Variants in KSR1 observed in about 807,000 individuals in gnomAD.
The protein encoded by KSR1 is kinase suppressor of ras.
In KSR1, 35 loss-of-function variants were observed where a neutral mutation model predicts 92.9. The observed-to-expected ratio is 0.38, with a 90% CI of 0.29 to 0.50. KSR1 has a LOEUF of 0.50. KSR1 is among the 20% of genes least tolerant of loss of function. The pLI is 0.94. For missense variants in KSR1, 972 were observed against 1,158.5 expected (o/e 0.84, Z 2.34); for synonymous variants, 467 against 472.6 (o/e 0.99, Z 0.15).
chr17:27,611,550 A>C lies in KSR1; in HGVS notation c.2414A>C (p.Glu805Ala), dbSNP rs2073917695. 1.9e-6 allele frequency: 3 copies of C among 1,613,816 alleles called. No individual in the cohort carries two copies. In the African/African-American group the frequency reaches 4.0e-5, roughly 22 times the overall value. Residue 805 changes from glutamate to alanine, a missense_variant, in exon 18 of 21, where the codon GAG becomes GCG. Physicochemically the swap from Glu to Ala is moderately radical, Grantham distance 107 (BLOSUM62 -1). Around this residue, in one of 5 missense-constraint regions of KSR1, gnomAD observed 260 missense variants for 375.2 expected, o/e 0.69. Transcript: ENST00000644974. ...TGGCCCTTGAAGAACCAGGCTGCAG[A>C]GGCATCCATCTGGCAGATTGGAAGC... is the stretch of plus-strand genomic sequence containing the variant. The part of the protein sequence containing the change: ...RDWPLKNQAA[E>A]ASIWQIGSGE...
At chr17:27,603,812 G>T (rs779876624) in intron 11 of KSR1, 22 bp from the exon 12 acceptor site, 52 of 1,613,622 alleles carry the variant, frequency 3.2e-5, no homozygotes, top group Non-Finnish European at 4.2e-5. Context: ...CATGCTTTGT[G>T]TTTGGTTTTT....
At chr17:27,597,550 T>C in intron 10 of KSR1, 114 bp downstream of exon 10, 1 of 1,138,230 alleles carries the variant, frequency 8.8e-7, no homozygotes. Flanking sequence ...AGAGCTGATG[T>C]TTATGAAGTA....
chr17:27,495,249 C>T (rs895701476), intron 1 of KSR1, among the ~76,000 whole-genome samples: 6 of 152,212 alleles, frequency 3.9e-5, no homozygotes, highest in East Asian at 1.9e-4. Flanking sequence ...TCTCCTCCTC[C>T]CCTGAGCCCT....
intron 1 of KSR1, among the ~76,000 whole-genome samples, chr17:27,507,482 T>C (rs976815742): frequency 6.6e-6 from 1 of 151,778 alleles, no homozygotes; most frequent in South Asian, 2.1e-4. Flanking sequence ...TTTTTGTATG[T>C]TTTGTGTGAT....
intron 11 of KSR1, among the ~76,000 whole-genome samples, chr17:27,602,157 A>G (rs954760566): frequency 6.6e-6 from 1 of 152,062 alleles, no homozygotes; most frequent in Non-Finnish European, 1.5e-5. Context: ...AAGTCACAGT[A>G]TTTTGGTTAC....
intron 2 of KSR1, chr17:27,557,987 C>T (rs1162399309): frequency 6.6e-6 from 1 of 152,634 alleles, no homozygotes; most frequent in Non-Finnish European, 1.5e-5. Context: ...TCAGGCTTTT[C>T]TTCCATGGAT....
intron 1 of KSR1, among the ~76,000 whole-genome samples, chr17:27,533,388 C>T (rs983338011): frequency 1.4e-5 from 2 of 144,896 alleles, no homozygotes; most frequent in Non-Finnish European, 3.0e-5. Flanking sequence ...TGCAACCATT[C>T]TTTTTTTTTT....
intron 1 of KSR1, among the ~76,000 whole-genome samples, chr17:27,536,437 C>T (rs2070754337): frequency 6.6e-6 from 1 of 152,192 alleles, no homozygotes; most frequent in South Asian, 2.1e-4. Context: ...AACTAAATTA[C>T]CTTTTGTTCT....
intron 3 of KSR1, among the ~76,000 whole-genome samples, chr17:27,580,788 GTTAT>G (rs756254839): frequency 4.6e-5 from 7 of 152,062 alleles, no homozygotes; most frequent in East Asian, 1.9e-4. Flanking sequence ...AACTGGATTG[GTTAT>G]TTATTTATTT....
intron 5 of KSR1, among the ~76,000 whole-genome samples, chr17:27,586,809 T>G (rs1018841551): frequency 6.6e-6 from 1 of 152,226 alleles, no homozygotes; most frequent in African/African-American, 2.4e-5. Flanking sequence ...GCTAATTGAT[T>G]GAAGTTCCAA....
In KSR1 at chr17:27,607,904, C is replaced by T. The variant is rs944297676; in HGVS notation, c.1995-10C>T. ...CCAGACTTGTGCTTGACCCCCACCACCCTCGACAGCTTCTGCAAGGGGCGG... is the reference window on the plus strand; with the variant it reads ...CCAGACTTGTGCTTGACCCCCACCATCCTCGACAGCTTCTGCAAGGGGCGG... On this transcript the variant is annotated splice_polypyrimidine_tract_variant and intron_variant, in intron 14 of 20. Transcript: ENST00000644974. The T allele has an allele frequency of 6.3e-7, 1 of 1,593,596 alleles. No individual in the cohort carries two copies. The highest frequency in any genetic ancestry group is 8.6e-7 in the Non-Finnish European group (1 of 1,169,550).
rs1004703581 is a variant in KSR1 at position 27,606,416 on chromosome 17, T to C, written c.1994+603T>C. ...TTCTGTTAAAAGGAAGACATTTGCA[T>C]ATACTCACGTTTTTAAACTGTTTAT... is the stretch of plus-strand genomic sequence containing the variant. On this transcript the variant is annotated intron_variant, in intron 14 of 20. Transcript: ENST00000644974. Among the ~76,000 whole-genome samples the C allele has an allele frequency of 3.3e-5, 5 of 152,258 alleles. No individual in the cohort carries two copies. The South Asian group carries it at 6.2e-4, about 19-fold the overall frequency.
At chr17:27,604,843 C>T (rs1311490268) in intron 13 of KSR1, 115 bp downstream of exon 13, 2 of 994,454 alleles carry the variant, frequency 2.0e-6, no homozygotes, top group Non-Finnish European at 3.2e-6. Context: ...CAAGGGCTGT[C>T]CCAGGCACCC....
At chr17:27,578,640 C>T (rs903275320) in intron 3 of KSR1, 2 of 152,256 alleles carry the variant, frequency 1.3e-5, no homozygotes, top group African/African-American at 4.8e-5. Context: ...ATTGGTTTGT[C>T]CCCATGCTTG....
intron 1 of KSR1, among the ~76,000 whole-genome samples, chr17:27,470,022 G>GTGTT (rs1324764799): frequency 1.3e-5 from 2 of 150,014 alleles, no homozygotes; most frequent in East Asian, 3.9e-4. Flanking sequence ...GTGTGTGTGT[G>GTGTT]TGTGTGTGTG....
chr17:27,481,106 A>ATAT (rs1258243471), intron 1 of KSR1, among the ~76,000 whole-genome samples: 2 of 152,192 alleles, frequency 1.3e-5, no homozygotes, highest in African/African-American at 4.8e-5. Flanking sequence ...ACATGAAACC[A>ATAT]TATACCTCAA....
chr17:27,558,530 G>A (rs1192390649), intron 2 of KSR1, among the ~76,000 whole-genome samples: 3 of 151,972 alleles, frequency 2.0e-5, no homozygotes, highest in African/African-American at 7.3e-5. Flanking sequence ...GAAGATGAGA[G>A]CCCGTGCCCA....
intron 2 of KSR1, among the ~76,000 whole-genome samples, chr17:27,564,898 C>T (rs907201456): frequency 2.0e-5 from 3 of 152,152 alleles, no homozygotes; most frequent in Admixed American, 6.5e-5. Context: ...CTGCAGAGAT[C>T]ATGTTTCTAG....
chr17:27,482,832 T>C (rs1399369186), intron 1 of KSR1, among the ~76,000 whole-genome samples: 3 of 152,010 alleles, frequency 2.0e-5, no homozygotes, highest in Non-Finnish European at 4.4e-5. Context: ...TAAAGGTGAG[T>C]GGTTTGTCCA....
Sources: allele counts gnomAD v4.1 joint callset (sites outside exome capture counted in the v4.1 genomes callset), GRCh38; gene constraint gnomAD v4.1.1; regional missense constraint gnomAD v4.1.1; transcripts MANE v1.5; gene names NCBI Gene and HGNC (gene_info 2026-07-23, HGNC 2026-07-21).